Variants in CORIN observed in about 807,000 individuals in gnomAD.
CORIN encodes atrial natriuretic peptide-converting enzyme.
A neutral mutation model predicts 125.3 loss-of-function variants in CORIN; 117 were observed. The ratio of observed to expected loss-of-function variants is 0.93; its 90% CI spans 0.80 to 1.09. The LOEUF (loss-of-function observed/expected upper bound fraction) is 1.09. Among genes scored for constraint, CORIN ranks in the 50% least tolerant of loss-of-function variants. The pLI is 0.00. For missense variants in CORIN, 1,253 were observed against 1,306.7 expected (o/e 0.96, Z 0.63); for synonymous variants, 450 against 466.4 (o/e 0.96, Z 0.45).
Position 47,744,572 on chromosome 4 carries a change from A to C in CORIN, c.629T>G (p.Leu210Arg), listed in dbSNP as rs1209703694. Residue 210 changes from leucine to arginine, a missense_variant, in exon 5 of 22, where the codon CTG becomes CGG. Coordinates refer to ENST00000273857, the MANE Select transcript of CORIN (RefSeq NM_006587.4). ...AGCCTCACAGAAGGACCTACAGGGC[A>C]GGAGTCCATGACTAAAAAAAAAAAA... is the stretch of plus-strand genomic sequence containing the variant. ...IIDGDDSHGLLPCRSFCEAAK... is the reference protein window; with the variant it reads ...IIDGDDSHGLRPCRSFCEAAK... The C allele has an allele frequency of 1.3e-6, 2 of 1,593,352 alleles. No homozygotes were observed. The highest frequency in any genetic ancestry group is 1.7e-6 in the Non-Finnish European group (2 of 1,172,806).
intron 5 of CORIN, among the ~76,000 whole-genome samples, chr4:47,732,381 T>C (rs1021681566): frequency 2.9e-4 from 44 of 152,258 alleles, no homozygotes; most frequent in African/African-American, 9.6e-4. Flanking sequence ...TCTTCTCCTA[T>C]AGGACATTGT....
At chr4:47,814,554 G>A (rs964532608) in intron 1 of CORIN, among the ~76,000 whole-genome samples, 1 of 152,174 alleles carries the variant, frequency 6.6e-6, no homozygotes, top group Non-Finnish European at 1.5e-5. Context: ...GATTTGTTGA[G>A]TAACAGATTA....
chr4:47,722,869 C>T (rs562185768), intron 5 of CORIN, among the ~76,000 whole-genome samples: 82 of 152,220 alleles, frequency 5.4e-4, no homozygotes, highest in African/African-American at 1.9e-3. Context: ...GACCAGTAAG[C>T]GGACTAGGAA....
chr4:47,785,530 T>G (rs1349838411), intron 3 of CORIN, among the ~76,000 whole-genome samples: 3 of 151,392 alleles, frequency 2.0e-5, no homozygotes, highest in Non-Finnish European at 4.4e-5. Context: ...TTTTTTTTTG[T>G]CATTCACCAA....
In CORIN at chr4:47,594,980, T is replaced by A. The variant is rs1325808927; in HGVS notation, c.*741A>T. ...TGTTAATATTGATATCTAAAGAACT[T>A]TGCATTCAATATGTCTTGCTACCTA... On this transcript the variant is annotated 3_prime_UTR_variant, in exon 22 of 22. Transcript: ENST00000273857. The A allele has an allele frequency of 6.6e-6, 1 of 152,210 alleles. No individual in the cohort carries two copies. The highest frequency in any genetic ancestry group is 1.5e-5 in the Non-Finnish European group (1 of 68,040). 9.4% of individuals were successfully genotyped at this position (152,210 alleles called of 1,614,324 possible). A position where few individuals can be genotyped will look rare whatever the true frequency, so the allele number is the denominator to read the frequency against.
chr4:47,820,025 G>C (rs1732437924), intron 1 of CORIN, among the ~76,000 whole-genome samples: 1 of 152,142 alleles, frequency 6.6e-6, no homozygotes, highest in Non-Finnish European at 1.5e-5. Flanking sequence ...CCCAGGGTTT[G>C]GGAAATGTCC....
At chr4:47,657,705 C>A (rs889275531) in intron 12 of CORIN, among the ~76,000 whole-genome samples, 2 of 151,884 alleles carry the variant, frequency 1.3e-5, no homozygotes, top group Admixed American at 1.3e-4. Context: ...GGAGCAGGCA[C>A]GTCACATGGC....
chr4:47,770,172 C>G lies in CORIN; in HGVS notation c.410-6586G>C, dbSNP rs1174421617. On this transcript the variant is annotated intron_variant, in intron 3 of 21. Transcript: ENST00000273857. ...TTATTTAGTAGTTAGGAAACAATAA[C>G]TAAATTTAAAAGTGGGAAAAGGCCC... is the stretch of plus-strand genomic sequence containing the variant. Among the ~76,000 whole-genome samples, 5 of 151,930 alleles carry G rather than the reference C, an allele frequency of 3.3e-5. No homozygotes were observed. The East Asian group carries it at 9.7e-4, about 29-fold the overall frequency.
chr4:47,742,575 G>C (rs1332082661), intron 5 of CORIN, among the ~76,000 whole-genome samples: 7 of 151,974 alleles, frequency 4.6e-5, no homozygotes, highest in Non-Finnish European at 8.8e-5. Context: ...ACATAATTGA[G>C]AGAAATTTTA....
At chr4:47,598,033 C>T (rs1193634519) in intron 21 of CORIN, among the ~76,000 whole-genome samples, 1 of 152,086 alleles carries the variant, frequency 6.6e-6, no homozygotes, top group East Asian at 1.9e-4. Flanking sequence ...GTAGGCACCC[C>T]ATTAAGTGCA....
intron 13 of CORIN, among the ~76,000 whole-genome samples, chr4:47,647,214 C>T (rs1328397998): frequency 6.6e-6 from 1 of 152,004 alleles, no homozygotes; most frequent in Non-Finnish European, 1.5e-5. Context: ...CCTCTGTGAC[C>T]CAGCTCCCGC....
chr4:47,825,973 G>A (rs1334914711), intron 1 of CORIN, among the ~76,000 whole-genome samples: 2 of 152,242 alleles, frequency 1.3e-5, no homozygotes, highest in African/African-American at 2.4e-5. Context: ...AAAGTGCTAG[G>A]ATTACAGGTG....
At chr4:47,836,084 T>C (rs1443247853) in intron 1 of CORIN, among the ~76,000 whole-genome samples, 1 of 152,140 alleles carries the variant, frequency 6.6e-6, no homozygotes, top group Non-Finnish European at 1.5e-5. Flanking sequence ...AAATAGTTCA[T>C]CCTATTGAAA....
chr4:47,771,039 C>T (rs185371478), intron 3 of CORIN, among the ~76,000 whole-genome samples: 212 of 151,986 alleles, frequency 1.4e-3, no homozygotes, highest in African/African-American at 4.6e-3. Context: ...GTATACTCAC[C>T]CCCCAAAATT....
chr4:47,631,028 G>A (rs1325882616), intron 16 of CORIN, among the ~76,000 whole-genome samples: 9 of 152,118 alleles, frequency 5.9e-5, no homozygotes, highest in Admixed American at 5.2e-4. Flanking sequence ...GAGGAGGGCC[G>A]GAGGGTGCCT....
intron 3 of CORIN, among the ~76,000 whole-genome samples, chr4:47,777,587 C>T (rs560693523): frequency 6.6e-5 from 10 of 152,236 alleles, no homozygotes; most frequent in Admixed American, 2.6e-4. Context: ...GCCAAGATCG[C>T]GCCATTGCAC....
intron 19 of CORIN, among the ~76,000 whole-genome samples, chr4:47,610,998 T>A (rs1721847481): frequency 1.3e-5 from 2 of 152,086 alleles, no homozygotes; most frequent in Admixed American, 6.6e-5. Flanking sequence ...GTTACTGTAG[T>A]CTTGTAGTAT....
rs116186445 is a variant in CORIN at position 47,748,893 on chromosome 4, G to A, written c.618-4310C>T. Among the ~76,000 whole-genome samples the A allele has an allele frequency of 6.0e-3, 909 of 152,146 alleles. 9 individuals are homozygous for A. The highest frequency in any genetic ancestry group is 0.02 in the African/African-American group (848 of 41,514). On this transcript the variant is annotated intron_variant, in intron 4 of 21. Coordinates refer to ENST00000273857, the MANE Select transcript of CORIN (RefSeq NM_006587.4). ...AAAATTTCCATATATCCTTCATCCA[G>A]ACTCCACTAAGGTAAACATCTTACA...
In CORIN at chr4:47,705,783, C is replaced by T. The variant is rs539127141; in HGVS notation, c.800-12700G>A. Among the ~76,000 whole-genome samples the T allele has an allele frequency of 1.2e-4, 18 of 152,278 alleles. No homozygotes were observed. In the South Asian group the frequency reaches 3.5e-3, roughly 30 times the overall value. Reference sequence around the variant, plus strand: ...AAGCCAGTACCTTTCTTAACACCTACCACAAGAGGGAGACCACATCATAAA... The same window carrying T: ...AAGCCAGTACCTTTCTTAACACCTATCACAAGAGGGAGACCACATCATAAA... On this transcript the variant is annotated intron_variant, in intron 5 of 21. Coordinates refer to ENST00000273857, the MANE Select transcript of CORIN (RefSeq NM_006587.4).
Sources: gnomAD v4.1 joint callset for allele counts (sites outside exome capture counted in the v4.1 genomes callset) on GRCh38, gnomAD v4.1.1 for gene constraint, MANE v1.5 for transcripts, NCBI Gene and HGNC (gene_info 2026-07-23, HGNC 2026-07-21) for gene names.